GRM5: variants seen among roughly 807,000 people sequenced by gnomAD.
GRM5 encodes the protein glutamate metabotropic receptor 5, also known as metabotropic glutamate receptor 5.
Under a neutral mutation model 83.1 loss-of-function variants are expected in GRM5, and 19 were observed. The observed-to-expected ratio is 0.23, with a 90% CI of 0.16 to 0.34. The LOEUF is 0.34. Among genes scored for constraint, GRM5 ranks in the 10% least tolerant of loss-of-function variants. The probability of loss-of-function intolerance (pLI) is 1.00; values close to 1 mark genes in which losing one functional copy is unlikely to be tolerated. For synonymous variants in GRM5, 675 were observed against 633.6 expected, an observed-to-expected ratio of 1.07 and a Z score of -0.98; for missense variants, 1,160 against 1,588.3, an observed-to-expected ratio of 0.73 and a Z score of 4.58.
At chr11:89,056,363 T>G (rs575625748) in intron 1 of GRM5, among the ~76,000 whole-genome samples, 1 of 152,196 alleles carries the variant, frequency 6.6e-6, no homozygotes, top group Non-Finnish European at 1.5e-5. Context: ...CCATTTCTCC[T>G]TGTGGTGAGA....
At chr11:88,829,354 G>C (rs1943947423) in intron 3 of GRM5, among the ~76,000 whole-genome samples, 2 of 152,206 alleles carry the variant, frequency 1.3e-5, no homozygotes, top group Admixed American at 1.3e-4. Context: ...CCAGCTGCTA[G>C]GGAGGCTGAG....
chr11:88,975,034 T>C (rs1469112428), intron 2 of GRM5, among the ~76,000 whole-genome samples: 18 of 152,214 alleles, frequency 1.2e-4, no homozygotes, highest in Admixed American at 9.8e-4. Flanking sequence ...GAGTCTGATG[T>C]GTCAATGGGA....
intron 2 of GRM5, among the ~76,000 whole-genome samples, chr11:88,994,761 G>A (rs1325944749): frequency 6.6e-6 from 1 of 151,776 alleles, no homozygotes; most frequent in Non-Finnish European, 1.5e-5. Context: ...AAGTATGTAT[G>A]AGGTTCCATA....
chr11:88,994,610 G>GA (rs58691405), intron 2 of GRM5, among the ~76,000 whole-genome samples: 10,807 of 89,780 alleles, frequency 0.12, 1,318 homozygotes, highest in African/African-American at 0.3. Flanking sequence ...AAGCATTACA[G>GA]AAAAAAAAAA....
intron 2 of GRM5, among the ~76,000 whole-genome samples, chr11:88,915,520 T>C (rs1334557409): frequency 1.3e-5 from 2 of 152,166 alleles, no homozygotes; most frequent in African/African-American, 2.4e-5. Context: ...ACAGCTGTTG[T>C]AGCTATCCAA....
Position 88,508,668 on chromosome 11 carries a change from G to T in GRM5, c.3563C>A (p.Ala1188Asp). The stretch of plus-strand genomic sequence containing the variant: ...TTTGGGAGACGACGGGATACAGAGG[G>T]CCGACTCGGACACTGGCGAGTTGGG... ...TTPNSPVSESALCIPSSPKYD... is the reference protein window; with the variant it reads ...TTPNSPVSESDLCIPSSPKYD... The change falls in exon 10 of 10, where the codon GCC becomes GAC. Residue 1188 changes from alanine to aspartate, a missense_variant. Transcript: ENST00000305447. This position sits in a 1 kb window ranked among gnomAD's most constrained non-coding sequence, Gnocchi z 4.2. 1.2e-6 allele frequency: 2 copies of T among 1,609,366 alleles called. 1 individual carries two copies.
intron 3 of GRM5, among the ~76,000 whole-genome samples, chr11:88,766,022 A>G (rs1271177654): frequency 9.2e-5 from 14 of 151,806 alleles, no homozygotes; most frequent in Non-Finnish European, 2.1e-4. Flanking sequence ...AAAAAGGCAA[A>G]GAACTTGAAT....
At chr11:88,597,529 G>C (rs200455542) in intron 5 of GRM5, among the ~76,000 whole-genome samples, 177 bp from the exon 6 acceptor site, 1 of 152,060 alleles carries the variant, frequency 6.6e-6, no homozygotes, top group Non-Finnish European at 1.5e-5. Context: ...TCTCTGCAGA[G>C]ACCATTTTTG....
At chr11:88,715,882 C>T (rs1046334188) in intron 3 of GRM5, among the ~76,000 whole-genome samples, 3 of 151,778 alleles carry the variant, frequency 2.0e-5, no homozygotes, top group Non-Finnish European at 4.4e-5. Context: ...CTGAAAGAAC[C>T]GAATTAGACT....
intron 3 of GRM5, among the ~76,000 whole-genome samples, chr11:88,836,414 T>A (rs1944096121): frequency 6.6e-6 from 1 of 152,182 alleles, no homozygotes; most frequent in African/African-American, 2.4e-5. Context: ...AATATACATA[T>A]GTATATATGT....
At chr11:88,629,260 G>T (rs1430357603) in intron 4 of GRM5, among the ~76,000 whole-genome samples, 1 of 152,152 alleles carries the variant, frequency 6.6e-6, no homozygotes, top group Non-Finnish European at 1.5e-5. Context: ...TTCTTTAGTA[G>T]AATTCCATGG....
intron 7 of GRM5, among the ~76,000 whole-genome samples, chr11:88,583,124 A>T (rs1383319820): frequency 6.6e-6 from 1 of 152,160 alleles, no homozygotes; most frequent in African/African-American, 2.4e-5. Flanking sequence ...GCAAAAAAAA[A>T]AAAAGTCCCA....
At chr11:88,743,303 G>T (rs1942066091) in intron 3 of GRM5, among the ~76,000 whole-genome samples, 1 of 152,042 alleles carries the variant, frequency 6.6e-6, no homozygotes, top group African/African-American at 2.4e-5. Flanking sequence ...CACCAAACTG[G>T]GTACACGATA....
In GRM5 at chr11:88,604,910, A is replaced by G; in HGVS notation, c.1202T>C (p.Ile401Thr). 1 of 1,611,592 alleles carries G rather than the reference A, an allele frequency of 6.2e-7. No individual in the cohort carries two copies. Among genetic ancestry groups the G allele is most frequent in the Non-Finnish European group, 8.5e-7 (1 of 1,177,854 alleles). ...ATAGGCCATCGAATAGATGGCGTTGATCACAAATCCCATTTTGGAATCCTG... is the reference window on the plus strand; with the variant it reads ...ATAGGCCATCGAATAGATGGCGTTGGTCACAAATCCCATTTTGGAATCCTG... ...HVQDSKMGFV[I>T]NAIYSMAYGL... is the part of the protein sequence containing the mutation. The change falls in exon 5 of 10, where the codon ATC becomes ACC. Residue 401 changes from isoleucine (I) to threonine (T), a missense_variant. Ile to Thr is a moderately conservative substitution (Grantham distance 89). Transcript: ENST00000305447.
At chr11:88,727,124 T>C (rs1479338619) in intron 3 of GRM5, among the ~76,000 whole-genome samples, 1 of 152,132 alleles carries the variant, frequency 6.6e-6, no homozygotes, top group Non-Finnish European at 1.5e-5. Context: ...GACCCATCAG[T>C]GTGCTGTATT....
intron 8 of GRM5, among the ~76,000 whole-genome samples, chr11:88,541,276 A>T (rs1942261595): frequency 6.6e-6 from 1 of 152,138 alleles, no homozygotes; most frequent in Admixed American, 6.5e-5. Context: ...ACGTTTACTG[A>T]TGTTTCTTAA....
At position 88,645,060 on chromosome 11, in the gene GRM5, C is replaced by T. The variant is rs540031709; in HGVS notation, c.1147+8108G>A. ...TGTTAAGATAAACACACCCTGATAACCACCACTGAATCAATAAATGACATT... is the reference window on the plus strand; with the variant it reads ...TGTTAAGATAAACACACCCTGATAATCACCACTGAATCAATAAATGACATT... On this transcript the variant is annotated intron_variant, in intron 4 of 9. Coordinates refer to ENST00000305447, the MANE Select transcript of GRM5 (RefSeq NM_001143831.3). Among the ~76,000 whole-genome samples the T allele has an allele frequency of 3.3e-5, 5 of 152,226 alleles. 1 individual carries two copies. The South Asian group carries it at 1.0e-3, about 32-fold the overall frequency.
chr11:88,873,320 T>C (rs1467463679), intron 2 of GRM5, among the ~76,000 whole-genome samples: 2 of 151,602 alleles, frequency 1.3e-5, no homozygotes, highest in African/African-American at 2.4e-5. Context: ...TAGTGAAATA[T>C]AGTTTATTTA....
chr11:88,645,870 C>G (rs1297955280), intron 4 of GRM5, among the ~76,000 whole-genome samples: 1 of 152,038 alleles, frequency 6.6e-6, no homozygotes, highest in East Asian at 1.9e-4. Context: ...TATTTTGTCA[C>G]CAGTTGGCTA....
Sources: gnomAD v4.1 joint callset for allele counts (sites outside exome capture counted in the v4.1 genomes callset) on GRCh38, gnomAD v4.1.1 for gene constraint, Gnocchi (gnomAD v3.1) non-coding constraint, MANE v1.5 for transcripts, NCBI Gene and HGNC (gene_info 2026-07-23, HGNC 2026-07-21) for gene names.